Variants in CIT observed in about 807,000 individuals in gnomAD.
The protein encoded by CIT is citron rho-interacting serine/threonine kinase.
In CIT, 79 loss-of-function variants were observed where a neutral mutation model predicts 272.7. The ratio of observed to expected loss-of-function variants is 0.29; its 90% CI spans 0.24 to 0.35. The LOEUF (loss-of-function observed/expected upper bound fraction) is 0.35, where lower values mean the gene tolerates loss of function less well. Among genes scored for constraint, CIT ranks in the 10% least tolerant of loss-of-function variants. CIT has a pLI of 1.00. For missense variants in CIT, 1,909 were observed against 2,618.3 expected, an observed-to-expected ratio of 0.73 and a Z score of 5.91; for synonymous variants, 948 against 995.6, an observed-to-expected ratio of 0.95 and a Z score of 0.90.
At chr12:119,709,781 AGAGAGAGTGTGTGT>A (rs1191099375) in intron 39 of CIT, among the ~76,000 whole-genome samples, 6 of 58,230 alleles carry the variant, frequency 1.0e-4, no homozygotes, top group East Asian at 5.9e-4. Flanking sequence ...AGAGAGAGAG[AGAGAGAGTGTGTGT>A]GTGTGTGTGT....
chr12:119,803,610 G>A (rs980474306), intron 9 of CIT: 1 of 393,092 alleles, frequency 2.5e-6, no homozygotes, highest in Non-Finnish European at 4.5e-6. Flanking sequence ...CTTCCCGCCT[G>A]GGGTAAACTG....
chr12:119,872,267 C>T (rs1950702785), intron 2 of CIT, among the ~76,000 whole-genome samples: 1 of 151,692 alleles, frequency 6.6e-6, no homozygotes, highest in African/African-American at 2.4e-5. Flanking sequence ...AGTTGGAAAA[C>T]CTGTGTCTAC....
Position 119,753,033 on chromosome 12 carries a change from G to A in CIT, c.2707-786C>T, listed in dbSNP as rs116168841. Among the ~76,000 whole-genome samples, 352 of 152,298 alleles carry A rather than the reference G, an allele frequency of 2.3e-3. 1 individual carries two copies. The highest frequency in any genetic ancestry group is 7.9e-3 in the African/African-American group (327 of 41,544). The stretch of plus-strand genomic sequence containing the variant: ...ATGCAGGAGTCAAACAAGCAGGTAA[G>A]AGGTGAAAGAAAATTCCAGGCAGGG... On this transcript the variant is annotated intron_variant, in intron 22 of 47. Transcript: ENST00000392521.
At chr12:119,733,734 CA>C (rs1393673279) in intron 26 of CIT, among the ~76,000 whole-genome samples, 2 of 151,870 alleles carry the variant, frequency 1.3e-5, no homozygotes, top group African/African-American at 2.4e-5. Context: ...GGACAGCCCC[CA>C]TAACAAAGAA....
chr12:119,772,980 T>C (rs1185416001), intron 16 of CIT, 70 bp from the exon 17 acceptor site: 6 of 1,347,348 alleles, frequency 4.5e-6, no homozygotes, highest in Non-Finnish European at 4.9e-6. Flanking sequence ...GACAGTATGT[T>C]CTGCACATGT....
intron 3 of CIT, among the ~76,000 whole-genome samples, chr12:119,864,118 G>C (rs1950447941): frequency 6.6e-6 from 1 of 150,810 alleles, no homozygotes; most frequent in African/African-American, 2.4e-5. Context: ...TGTATTGTTT[G>C]CAATAAGAAA....
At chr12:119,711,011 T>C in intron 37 of CIT, 1 of 1,367,630 alleles carries the variant, frequency 7.3e-7, no homozygotes, top group Non-Finnish European at 9.8e-7. Context: ...AAAGGCGCCG[T>C]GTTAGCAGCG....
intron 26 of CIT, among the ~76,000 whole-genome samples, chr12:119,732,060 T>C (rs1369601888): frequency 6.6e-6 from 1 of 152,016 alleles, no homozygotes; most frequent in Non-Finnish European, 1.5e-5. Flanking sequence ...GGTCTCAAAC[T>C]CCTGACCTCA....
intron 13 of CIT, among the ~76,000 whole-genome samples, chr12:119,781,074 T>C (rs2137678355): frequency 6.6e-6 from 1 of 152,336 alleles, no homozygotes; most frequent in African/African-American, 2.4e-5. Flanking sequence ...TCCAGGTATG[T>C]TGAACTAATG....
At position 119,804,211 on chromosome 12, in the gene CIT, T is replaced by C; in HGVS notation, c.1112-822A>G. On this transcript the variant is annotated intron_variant, in intron 9 of 47. Transcript: ENST00000392521. This position sits in a 1 kb window ranked among gnomAD's most constrained non-coding sequence, Gnocchi z 5.3. ...TGGGGGCGTGTTACATCCTCTCCAC[T>C]TCCTCCGACCTACTAAGCGCTCTCG... The C allele has an allele frequency of 6.1e-6, 6 of 985,432 alleles. No individual in the cohort carries two copies. Among genetic ancestry groups the C allele is most frequent in the Non-Finnish European group, 7.2e-6 (6 of 829,976 alleles). The allele number at this position is 985,432 out of a possible 1,614,324, so 61.0% of individuals were successfully genotyped here.
intron 23 of CIT, among the ~76,000 whole-genome samples, chr12:119,743,617 TC>T (rs1202218823): frequency 2.0e-5 from 3 of 152,326 alleles, no homozygotes; most frequent in African/African-American, 7.2e-5. Flanking sequence ...ATAGGAAACT[TC>T]TGCTTTAGAT....
At position 119,697,757 on chromosome 12, in the gene CIT, C is replaced by A; in HGVS notation, c.5784G>T (p.Ala1928=). 1 of 1,614,148 alleles carries A rather than the reference C, an allele frequency of 6.2e-7. No homozygotes were observed. Among genetic ancestry groups the A allele is most frequent in the Non-Finnish European group, 8.5e-7 (1 of 1,180,036 alleles). ...CCCTTAATTTATCCTGGTATGAGGA[C>A]GCCAAGTAAATCGCTCCTGAGGAAA... ...PAISSGAIYL[A]SSYQDKLRVI... The change falls in exon 46 of 48, where the codon GCG becomes GCT. Residue 1928 remains alanine, a synonymous_variant. Transcript: ENST00000392521. This position sits in a 1 kb window ranked among gnomAD's most constrained non-coding sequence, Gnocchi z 4.9.
At chr12:119,776,944 G>C in intron 13 of CIT, 102 bp from the exon 14 acceptor site, 1 of 1,270,868 alleles carries the variant, frequency 7.9e-7, no homozygotes, top group Non-Finnish European at 1.1e-6. Flanking sequence ...AAGATGCACA[G>C]TGAAGAGAGA....
intron 3 of CIT, among the ~76,000 whole-genome samples, chr12:119,866,184 T>C (rs1173124843): frequency 1.3e-5 from 2 of 152,102 alleles, no homozygotes; most frequent in Non-Finnish European, 2.9e-5. Context: ...AAGATTACCA[T>C]TGGGCAGGGT....
chr12:119,725,008 T>C (rs554035121), intron 28 of CIT, among the ~76,000 whole-genome samples: 3 of 138,294 alleles, frequency 2.2e-5, no homozygotes, highest in East Asian at 2.1e-4. Context: ...GGAGGAAAAA[T>C]GTGAAAGATC....
intron 4 of CIT, 68 bp downstream of exon 4, chr12:119,857,455 G>T: frequency 1.3e-6 from 2 of 1,511,702 alleles, no homozygotes. Flanking sequence ...CAGTGCAGCA[G>T]ATTATCGTCT....
intron 4 of CIT, among the ~76,000 whole-genome samples, chr12:119,855,433 A>C (rs1459654938): frequency 6.6e-6 from 1 of 151,956 alleles, no homozygotes; most frequent in African/African-American, 2.4e-5. Flanking sequence ...TAAATAAATA[A>C]ATAAATAAAT....
In CIT at chr12:119,735,131, G is replaced by GA. The variant is rs775491889; in HGVS notation, c.3156+28dup. The GA allele has an allele frequency of 1.9e-6, 3 of 1,608,316 alleles. No homozygotes were observed. In the South Asian group the frequency reaches 3.3e-5, roughly 18 times the overall value. ...AAAATCCTTCTAAAAGTCCTCCAGG[G>GA]ATCTCACGACCTTGTTAACCCTCCT... On this transcript the variant is annotated intron_variant, in intron 25 of 47. Coordinates refer to ENST00000392521, the MANE Select transcript of CIT (RefSeq NM_001206999.2).
At chr12:119,744,157 A>AAAAC (rs1295064279) in intron 23 of CIT, among the ~76,000 whole-genome samples, 8 of 152,274 alleles carry the variant, frequency 5.3e-5, no homozygotes, top group Middle Eastern at 3.4e-3. Flanking sequence ...GATGGTGGCA[A>AAAAC]AAACAAACAA....
Sources: allele counts gnomAD v4.1 joint callset (sites outside exome capture counted in the v4.1 genomes callset), GRCh38; gene constraint gnomAD v4.1.1; non-coding constraint Gnocchi (gnomAD v3.1); transcripts MANE v1.5; gene names NCBI Gene and HGNC (gene_info 2026-07-23, HGNC 2026-07-21).